Variants in INPP4B observed in about 807,000 individuals in gnomAD.
INPP4B encodes the protein inositol polyphosphate-4-phosphatase type II B.
Under a neutral mutation model 122.5 loss-of-function variants are expected in INPP4B, and 55 were observed. That is an observed-to-expected ratio of 0.45 (90% CI 0.36 to 0.56). The LOEUF (loss-of-function observed/expected upper bound fraction) is 0.56. Ranked by LOEUF, INPP4B falls within the 20% of genes least tolerant of loss-of-function variation. INPP4B has a pLI of 0.00. For missense variants in INPP4B, 1,000 were observed against 1,097.7 expected, an observed-to-expected ratio of 0.91 and a Z score of 1.26; for synonymous variants, 403 against 388.7, an observed-to-expected ratio of 1.04 and a Z score of -0.43.
intron 7 of INPP4B, among the ~76,000 whole-genome samples, chr4:142,334,820 T>G (rs565883221): frequency 6.6e-6 from 1 of 152,316 alleles, no homozygotes; most frequent in African/African-American, 2.4e-5. Context: ...TGTTTTTTAT[T>G]TTTTATTGTT....
At chr4:142,054,496 T>C (rs1459545081) in intron 25 of INPP4B, among the ~76,000 whole-genome samples, 1 of 151,974 alleles carries the variant, frequency 6.6e-6, no homozygotes, top group East Asian at 1.9e-4. Context: ...ATGATTGCCA[T>C]TGGAGCTGAA....
intron 1 of INPP4B, among the ~76,000 whole-genome samples, chr4:142,827,322 G>A (rs1781569567): frequency 6.6e-6 from 1 of 152,154 alleles, no homozygotes; most frequent in South Asian, 2.1e-4. Flanking sequence ...CTGAATATTT[G>A]CAGAACTTAA....
chr4:142,093,556 G>A (rs1401872161), intron 23 of INPP4B, among the ~76,000 whole-genome samples: 2 of 152,136 alleles, frequency 1.3e-5, no homozygotes, highest in Non-Finnish European at 2.9e-5. Flanking sequence ...ACTATAGTCT[G>A]TAACATCAAG....
intron 12 of INPP4B, among the ~76,000 whole-genome samples, chr4:142,226,884 G>A (rs919474804): frequency 6.6e-6 from 1 of 152,224 alleles, no homozygotes; most frequent in South Asian, 2.1e-4. Context: ...GAACTGTTGG[G>A]TAGGCAGAGG....
intron 7 of INPP4B, among the ~76,000 whole-genome samples, chr4:142,344,203 T>C (rs926315340): frequency 2.6e-5 from 4 of 152,098 alleles, no homozygotes; most frequent in Non-Finnish European, 5.9e-5. Flanking sequence ...AAATAAGAGA[T>C]ATCTTTGCAC....
At chr4:142,349,945 T>C (rs1487239277) in intron 7 of INPP4B, among the ~76,000 whole-genome samples, 1 of 151,736 alleles carries the variant, frequency 6.6e-6, no homozygotes, top group Non-Finnish European at 1.5e-5. Flanking sequence ...TGAATATCTG[T>C]TTATTCTCTT....
At chr4:142,282,027 G>C (rs1276061891) in intron 9 of INPP4B, among the ~76,000 whole-genome samples, 1 of 151,958 alleles carries the variant, frequency 6.6e-6, no homozygotes, top group South Asian at 2.1e-4. Flanking sequence ...TTCTCTGCCC[G>C]CATGGAACTT....
chr4:142,255,042 C>T (rs1253055015), intron 11 of INPP4B, among the ~76,000 whole-genome samples: 3 of 151,928 alleles, frequency 2.0e-5, no homozygotes, highest in Non-Finnish European at 4.4e-5. Context: ...AGAGTGGGGG[C>T]CAATATTCAA....
At position 142,498,130 on chromosome 4, in the gene INPP4B, C is replaced by T. The variant is rs1167434874; in HGVS notation, c.-190-35404G>A. On this transcript the variant is annotated intron_variant, in intron 2 of 25. Transcript: ENST00000262992. Reference sequence around the variant, plus strand: ...GTGTGTATATATATATACACACACACATATATGTATACATACATATGTGTA... The same window carrying T: ...GTGTGTATATATATATACACACACATATATATGTATACATACATATGTGTA... Among the ~76,000 whole-genome samples, 1,006 of 149,560 alleles carry T rather than the reference C, an allele frequency of 6.7e-3. 13 individuals are homozygous for T. Among genetic ancestry groups the T allele is most frequent in the African/African-American group, 0.024 (956 of 40,478 alleles).
chr4:142,443,998 G>C (rs1812381769), intron 3 of INPP4B, among the ~76,000 whole-genome samples: 1 of 151,978 alleles, frequency 6.6e-6, no homozygotes, highest in South Asian at 2.1e-4. Flanking sequence ...TAACAGAAAG[G>C]GAATATGCTA....
At chr4:142,578,739 G>T (rs1734380332) in intron 2 of INPP4B, among the ~76,000 whole-genome samples, 1 of 151,920 alleles carries the variant, frequency 6.6e-6, no homozygotes, top group Admixed American at 6.6e-5. Flanking sequence ...ATATATGAAT[G>T]GGGGGACATA....
At chr4:142,220,255 T>G (rs897961732) in intron 12 of INPP4B, among the ~76,000 whole-genome samples, 1 of 152,150 alleles carries the variant, frequency 6.6e-6, no homozygotes, top group East Asian at 1.9e-4. Flanking sequence ...AGGACAAGAT[T>G]AGAGGCTCCC....
At chr4:142,820,822 G>A (rs1455936204) in intron 1 of INPP4B, among the ~76,000 whole-genome samples, 3 of 152,094 alleles carry the variant, frequency 2.0e-5, no homozygotes, top group African/African-American at 7.2e-5. Flanking sequence ...TGTATAATCA[G>A]TTGGCTTGCT....
intron 1 of INPP4B, among the ~76,000 whole-genome samples, chr4:142,764,914 C>T (rs958303444): frequency 1.3e-4 from 20 of 151,872 alleles, no homozygotes; most frequent in Admixed American, 5.2e-4. Context: ...CCATGAAACT[C>T]GTTAAGACTA....
chr4:142,751,863 C>T (rs1163862005), intron 1 of INPP4B, among the ~76,000 whole-genome samples: 3 of 152,056 alleles, frequency 2.0e-5, no homozygotes, highest in African/African-American at 7.2e-5. Flanking sequence ...ACAAAACTGT[C>T]CCCAAGGCCT....
At chr4:142,157,240 C>A (rs1411213881) in intron 17 of INPP4B, among the ~76,000 whole-genome samples, 1 of 152,084 alleles carries the variant, frequency 6.6e-6, no homozygotes, top group Non-Finnish European at 1.5e-5. Flanking sequence ...TTAGATAAAG[C>A]TTTGAGAATA....
At chr4:142,252,024 G>A (rs8180141) in intron 11 of INPP4B, among the ~76,000 whole-genome samples, 7,010 of 152,148 alleles carry the variant, frequency 0.046, 309 homozygotes, top group East Asian at 0.21. Flanking sequence ...AATCAAAGTG[G>A]ATTTAAATTC....
chr4:142,498,982 ACT>A (rs1264117830), intron 2 of INPP4B, among the ~76,000 whole-genome samples: 1 of 152,074 alleles, frequency 6.6e-6, no homozygotes, highest in Non-Finnish European at 1.5e-5. Flanking sequence ...AATCTGTGTG[ACT>A]CTGTAAATAT....
At chr4:142,628,437 G>T (rs13111204) in intron 2 of INPP4B, among the ~76,000 whole-genome samples, 1 of 56,034 alleles carries the variant, frequency 1.8e-5, no homozygotes. Context: ...GGGAGGGATA[G>T]CATTGGGAGA....
Sources: allele counts gnomAD v4.1 joint callset (sites outside exome capture counted in the v4.1 genomes callset), GRCh38; gene constraint gnomAD v4.1.1; transcripts MANE v1.5; gene names NCBI Gene and HGNC (gene_info 2026-07-23, HGNC 2026-07-21).